Variants in ALK observed in about 807,000 individuals in gnomAD.
The protein encoded by ALK is ALK tyrosine kinase receptor.
In ALK, 74 loss-of-function variants were observed where a neutral mutation model predicts 163.1. That is an observed-to-expected ratio of 0.45 (90% CI 0.38 to 0.55). The LOEUF (loss-of-function observed/expected upper bound fraction) is 0.55. ALK is among the 20% of genes least tolerant of loss of function. The pLI is 0.00. For missense variants in ALK, 2,063 were observed against 2,105.3 expected (o/e 0.98, Z 0.39); for synonymous variants, 960 against 843.2 (o/e 1.14, Z -2.40).
chr2:29,649,290 T>C (rs1408223474), intron 3 of ALK, among the ~76,000 whole-genome samples: 1 of 151,744 alleles, frequency 6.6e-6, no homozygotes, highest in Non-Finnish European at 1.5e-5. Context: ...GTTTCATATT[T>C]ATTCCTGCTC....
At chr2:29,234,629 C>T (rs1193942700) in intron 13 of ALK, among the ~76,000 whole-genome samples, 1 of 152,134 alleles carries the variant, frequency 6.6e-6, no homozygotes, top group Non-Finnish European at 1.5e-5. Context: ...GGCCCTCGAT[C>T]TCTGATCTTC....
At chr2:29,620,974 C>T (rs1171159744) in intron 3 of ALK, among the ~76,000 whole-genome samples, 1 of 152,112 alleles carries the variant, frequency 6.6e-6, no homozygotes, top group East Asian at 1.9e-4. Flanking sequence ...ACTTATCTGC[C>T]TCCAGGGAGA....
At chr2:29,223,910 G>A (rs2148172224) in intron 19 of ALK, 1 of 380,098 alleles carries the variant, frequency 2.6e-6, no homozygotes, top group Non-Finnish European at 4.9e-6. Context: ...GGGTGAACCA[G>A]CAGACTGTGT....
chr2:29,427,868 T>C (rs1456628657), intron 4 of ALK, among the ~76,000 whole-genome samples: 1 of 152,074 alleles, frequency 6.6e-6, no homozygotes, highest in Non-Finnish European at 1.5e-5. Context: ...GGATAGACCA[T>C]ACGCTAGGTC....
intron 1 of ALK, among the ~76,000 whole-genome samples, chr2:29,902,793 C>T (rs1422428193): frequency 6.6e-6 from 1 of 152,172 alleles, no homozygotes; most frequent in Non-Finnish European, 1.5e-5. Flanking sequence ...GCTTCAGCTC[C>T]ATCAGGAAGC....
intron 3 of ALK, among the ~76,000 whole-genome samples, chr2:29,660,883 C>A (rs1677327440): frequency 6.6e-6 from 1 of 152,124 alleles, no homozygotes; most frequent in Admixed American, 6.5e-5. Flanking sequence ...TGAAGTACTG[C>A]ATTAGCCATA....
intron 5 of ALK, among the ~76,000 whole-genome samples, chr2:29,361,838 T>C (rs948306536): frequency 2.6e-5 from 4 of 152,236 alleles, no homozygotes; most frequent in South Asian, 2.1e-4. Flanking sequence ...GTTTATTGAC[T>C]GAAGGCTTAA....
At chr2:29,592,928 C>G (rs557372044) in intron 3 of ALK, among the ~76,000 whole-genome samples, 4 of 152,104 alleles carry the variant, frequency 2.6e-5, no homozygotes, top group African/African-American at 9.7e-5. Context: ...AGAATGGCCC[C>G]GCTGCAACTT....
At chr2:29,432,050 C>G (rs551330521) in intron 4 of ALK, among the ~76,000 whole-genome samples, 10 of 152,060 alleles carry the variant, frequency 6.6e-5, no homozygotes, top group Admixed American at 3.9e-4. Context: ...GAGGAGAATG[C>G]CCCTGCCCTG....
At chr2:29,318,186 G>A in intron 8 of ALK, 118 bp downstream of exon 8, 1 of 804,628 alleles carries the variant, frequency 1.2e-6, no homozygotes, top group Non-Finnish European at 2.2e-6. Flanking sequence ...TGGCCCTCTT[G>A]TTCTCTCCCC....
chr2:29,705,246 T>A (rs1313123547), intron 2 of ALK, among the ~76,000 whole-genome samples: 12 of 29,770 alleles, frequency 4.0e-4, no homozygotes, highest in African/African-American at 2.3e-3. Context: ...AAGAAATATA[T>A]ATATATATAT....
chr2:29,619,824 T>C lies in ALK; in HGVS notation c.952+75026A>G, dbSNP rs180991706. ...TGCTGCCCGCACTCAGCCCTGCTGCTGCCTTCTGACAATGGGAAGGATGGA... is the reference window on the plus strand; with the variant it reads ...TGCTGCCCGCACTCAGCCCTGCTGCCGCCTTCTGACAATGGGAAGGATGGA... On this transcript the variant is annotated intron_variant, in intron 3 of 28. Transcript: ENST00000389048. 3.3e-5 allele frequency among the ~76,000 whole-genome samples: 5 copies of C among 152,338 alleles called. No homozygotes were observed. In the East Asian group the frequency reaches 9.7e-4, roughly 29 times the overall value.
intron 1 of ALK, among the ~76,000 whole-genome samples, chr2:29,792,059 A>G (rs1233435281): frequency 2.6e-5 from 4 of 152,254 alleles, no homozygotes; most frequent in African/African-American, 4.8e-5. Context: ...AAACATGAAT[A>G]TAATTTCTTT....
chr2:29,284,933 C>T (rs973367129), intron 9 of ALK, among the ~76,000 whole-genome samples: 2 of 152,232 alleles, frequency 1.3e-5, no homozygotes, highest in African/African-American at 4.8e-5. Flanking sequence ...GTTCAGGCAA[C>T]AGGCTGTCGA....
intron 5 of ALK, among the ~76,000 whole-genome samples, chr2:29,353,638 T>C (rs977979913): frequency 3.9e-5 from 6 of 152,120 alleles, no homozygotes; most frequent in African/African-American, 1.4e-4. Flanking sequence ...CATTACACAC[T>C]TGTGTTGAAC....
intron 1 of ALK, among the ~76,000 whole-genome samples, chr2:29,866,154 T>A (rs72856249): frequency 0.012 from 1,860 of 152,232 alleles, 29 homozygotes; most frequent in African/African-American, 0.043. Context: ...ATCTGCAGAC[T>A]GACCCCAACC....
rs2148151598 is a variant in ALK, at chr2:29,207,049, T to C, written c.3938+122A>G. 3.9e-6 allele frequency: 3 copies of C among 770,990 alleles called. No homozygotes were observed. In the East Asian group the frequency reaches 7.5e-5, roughly 19 times the overall value. 47.8% of individuals were successfully genotyped at this position (770,990 alleles called of 1,614,324 possible). A position where few individuals can be genotyped will look rare whatever the true frequency, so the allele number is the denominator to read the frequency against. ...TTGAGAACCACTGTTGTCGGGTGTA[T>C]TGATTCTTCTCTTTTCCCTCCCTAC... On this transcript the variant is annotated intron_variant, in intron 26 of 28. Coordinates refer to ENST00000389048, the MANE Select transcript of ALK (RefSeq NM_004304.5).
intron 3 of ALK, among the ~76,000 whole-genome samples, chr2:29,568,038 G>A (rs1343289744): frequency 6.6e-6 from 1 of 152,154 alleles, no homozygotes; most frequent in African/African-American, 2.4e-5. Flanking sequence ...GACAGTTTGG[G>A]TGAGACTCTG....
At chr2:29,841,206 A>AAAAT (rs146131766) in intron 1 of ALK, among the ~76,000 whole-genome samples, 1,778 of 152,332 alleles carry the variant, frequency 0.012, 43 homozygotes, top group African/African-American at 0.04. Context: ...ATTTAAAAAA[A>AAAAT]AGACAAAATA....
Sources: gnomAD v4.1 joint callset for allele counts (sites outside exome capture counted in the v4.1 genomes callset) on GRCh38, gnomAD v4.1.1 for gene constraint, MANE v1.5 for transcripts, NCBI Gene and HGNC (gene_info 2026-07-23, HGNC 2026-07-21) for gene names.